Variants in UBIAD1 observed in about 807,000 individuals in gnomAD.
The protein encoded by UBIAD1 is UbiA prenyltransferase domain containing 1, also known as ubiA prenyltransferase domain-containing protein 1.
Under a neutral mutation model 20.1 loss-of-function variants are expected in UBIAD1, and 12 were observed. The observed-to-expected ratio is 0.60, with a 90% CI of 0.38 to 0.97. The LOEUF is 0.97. Among genes scored for constraint, UBIAD1 ranks in the 50% least tolerant of loss-of-function variants. The pLI, the probability that UBIAD1 is intolerant of heterozygous loss-of-function variation, is 0.00. For synonymous variants in UBIAD1, 207 were observed against 189.2 expected, an observed-to-expected ratio of 1.09 and a Z score of -0.77; for missense variants, 333 against 419.5, an observed-to-expected ratio of 0.79 and a Z score of 1.80.
chr1:11,279,562 G>A (rs762854734), intron 1 of UBIAD1, among the ~76,000 whole-genome samples: 2 of 152,062 alleles, frequency 1.3e-5, no homozygotes, highest in African/African-American at 4.8e-5. Context: ...GATTACAGGC[G>A]TCTGCCACCA....
At chr1:11,275,129 C>G (rs951520018) in intron 1 of UBIAD1, among the ~76,000 whole-genome samples, 1 of 152,202 alleles carries the variant, frequency 6.6e-6, no homozygotes, top group African/African-American at 2.4e-5. Flanking sequence ...AGGCACTGTT[C>G]TGTGTGAACA....
At chr1:11,296,778 C>A (rs919201331), downstream of UBIAD1, among the ~76,000 whole-genome samples, 1 of 152,210 alleles carries the variant, frequency 6.6e-6, no homozygotes, top group Admixed American at 6.5e-5. Flanking sequence ...CCTCAGCCTC[C>A]CAAAGTGCTG....
chr1:11,281,230 C>T (rs188405714), intron 1 of UBIAD1, among the ~76,000 whole-genome samples: 2 of 152,168 alleles, frequency 1.3e-5, no homozygotes, highest in African/African-American at 4.8e-5. Flanking sequence ...TGCTTTCTAC[C>T]TTGCTTAAAA....
At chr1:11,280,855 A>C (rs549471211) in intron 1 of UBIAD1, among the ~76,000 whole-genome samples, 1 of 152,202 alleles carries the variant, frequency 6.6e-6, no homozygotes, top group East Asian at 1.9e-4. Flanking sequence ...CAGCCACCAG[A>C]GTAATTCTGT....
At chr1:11,295,018 C>G in exon 2 of UBIAD1, 1 of 709,124 alleles carries the variant, frequency 1.4e-6, no homozygotes, top group Non-Finnish European at 2.6e-6. Context: ...GAGCCCCTTC[C>G]TGCCTCGGGG....
chr1:11,286,080 C>A lies in UBIAD1; in HGVS notation c.966C>A (p.Phe322Leu). 1.2e-6 allele frequency: 2 copies of A among 1,614,228 alleles called. No homozygotes were observed. Among genetic ancestry groups the A allele is most frequent in the Non-Finnish European group, 1.7e-6 (2 of 1,180,042 alleles). ...AGCTCAACCTCCTGCTGGGACTTTT[C>A]TATGTCTTTGGCATCATTCTGGCAC... is the stretch of plus-strand genomic sequence containing the variant. ...TAKLNLLLGL[F>L]YVFGIILAPA... Residue 322 changes from phenylalanine to leucine, a missense_variant, in exon 2 of 2, where the codon TTC becomes TTA. Around this residue, in one of 3 missense-constraint regions of UBIAD1, gnomAD observed 226 missense variants for 263.5 expected, o/e 0.86. Transcript: ENST00000376810.
At chr1:11,293,130 A>T (rs1158537552), downstream of UBIAD1, among the ~76,000 whole-genome samples, 3 of 152,152 alleles carry the variant, frequency 2.0e-5, no homozygotes, top group South Asian at 2.1e-4. Context: ...AGGAACAGTG[A>T]GGGCTTTGAT....
At position 11,284,827 on chromosome 1, in the gene UBIAD1, GA is replaced by G. The variant is rs538734911; in HGVS notation, c.530-816del. ...TTTTAGAGATTAGATTAGGGATGGAGAGGGGGAGGGGTTATGAGAGGGGAAG... is the reference window on the plus strand; with the variant it reads ...TTTTAGAGATTAGATTAGGGATGGAGGGGGGAGGGGTTATGAGAGGGGAAG... On this transcript the variant is annotated intron_variant, in intron 1 of 1. Transcript: ENST00000376810. Among the ~76,000 whole-genome samples the G allele has an allele frequency of 4.7e-4, 72 of 152,200 alleles. 1 individual carries two copies. Among genetic ancestry groups the G allele is most frequent in the African/African-American group, 1.6e-3 (67 of 41,530 alleles).
At chr1:11,277,082 C>T (rs1652060550) in intron 1 of UBIAD1, among the ~76,000 whole-genome samples, 1 of 151,802 alleles carries the variant, frequency 6.6e-6, no homozygotes, top group Non-Finnish European at 1.5e-5. Flanking sequence ...ACTAAAAATA[C>T]AAAAATAAGC....
Position 11,287,367 on chromosome 1 carries a change from A to G in UBIAD1, c.*1236A>G, listed in dbSNP as rs1054973901. 3 of 152,186 alleles carry G rather than the reference A, an allele frequency of 2.0e-5. No homozygotes were observed. The highest frequency in any genetic ancestry group is 7.2e-5 in the African/African-American group (3 of 41,450). The allele number at this position is 152,186 out of a possible 1,614,324, so 9.4% of individuals were successfully genotyped here. On this transcript the variant is annotated 3_prime_UTR_variant, in exon 2 of 2. Coordinates refer to ENST00000376810, the MANE Select transcript of UBIAD1 (RefSeq NM_013319.3). ...ACACTCAGAGTGGGGCAATTCCAGC[A>G]TTTATCCTGGCTGCGTTTCATTGCA...
At chr1:11,274,659 G>A (rs1651938178) in intron 1 of UBIAD1, among the ~76,000 whole-genome samples, 7 of 151,406 alleles carry the variant, frequency 4.6e-5, no homozygotes, top group Admixed American at 4.6e-4. Flanking sequence ...GCCCAGGCAA[G>A]GGTGCAGTGG....
intron 1 of UBIAD1, among the ~76,000 whole-genome samples, chr1:11,282,027 A>G (rs1652257817): frequency 6.6e-6 from 1 of 151,960 alleles, no homozygotes; most frequent in African/African-American, 2.4e-5. Context: ...TTGCTTCCAT[A>G]TTTTGGCTAT....
At position 11,273,336 on chromosome 1, in the gene UBIAD1, G is replaced by A; in HGVS notation, c.-196G>A. ...ACTTCGCCCAGGTGACGGGTAGTAG[G>A]GGCGGCGCCGCTTGGCCTCGTGGGG... is the stretch of plus-strand genomic sequence containing the variant. On this transcript the variant is annotated 5_prime_UTR_variant, in exon 1 of 2. Transcript: ENST00000376810. The surrounding 1 kb of genome is among the most constrained non-coding windows in gnomAD (Gnocchi z 4.9). 1 of 636,620 alleles carries A rather than the reference G, an allele frequency of 1.6e-6. No individual in the cohort carries two copies. Among genetic ancestry groups the A allele is most frequent in the South Asian group, 1.9e-5 (1 of 53,062 alleles). The allele number at this position is 636,620 out of a possible 1,614,324, so 39.4% of individuals were successfully genotyped here. A position where few individuals can be genotyped will look rare whatever the true frequency, so the allele number is the denominator to read the frequency against.
Position 11,273,963 on chromosome 1 carries a change from C to T in UBIAD1, c.432C>T (p.Val144=), listed in dbSNP as rs763991553. 2 of 1,614,222 alleles carry T rather than the reference C, an allele frequency of 1.2e-6. No homozygotes were observed. The highest frequency in any genetic ancestry group is 2.2e-5 in the East Asian group (1 of 44,888). ...FGVFLYTLGC[V]CAACLYYLSP... ...TCTTCCTCTACACGTTGGGCTGCGT[C>T]TGTGCCGCTTGCCTCTACTACCTGT... is the stretch of plus-strand genomic sequence containing the variant. Residue 144 remains valine (V), a synonymous_variant, in exon 1 of 2, where the codon GTC becomes GTT. Coordinates refer to ENST00000376810, the MANE Select transcript of UBIAD1 (RefSeq NM_013319.3). The surrounding 1 kb of genome is among the most constrained non-coding windows in gnomAD (Gnocchi z 4.9).
chr1:11,293,429 G>A (rs1004383742), downstream of UBIAD1: 1 of 152,226 alleles, frequency 6.6e-6, no homozygotes, highest in African/African-American at 2.4e-5. Context: ...CCAGTAAGTG[G>A]TAGGACTAGA....
intron 1 of UBIAD1, among the ~76,000 whole-genome samples, chr1:11,283,142 G>A (rs1029153643): frequency 4.6e-5 from 7 of 152,186 alleles, no homozygotes; most frequent in Non-Finnish European, 1.5e-5. Flanking sequence ...GATTACAGGC[G>A]TGAGCCACCA....
intron 1 of UBIAD1, among the ~76,000 whole-genome samples, chr1:11,280,596 C>G (rs1260195778): frequency 6.6e-6 from 1 of 152,310 alleles, no homozygotes; most frequent in African/African-American, 2.4e-5. Flanking sequence ...AGCTTTTTCC[C>G]CATTTTGCTC....
In UBIAD1 at chr1:11,276,911, A is replaced by G. The variant is rs2788547; in HGVS notation, c.529+2851A>G. Among the ~76,000 whole-genome samples, 387 of 152,198 alleles carry G rather than the reference A, an allele frequency of 2.5e-3. 2 individuals are homozygous for G. The highest frequency in any genetic ancestry group is 8.5e-3 in the African/African-American group (352 of 41,498). The stretch of plus-strand genomic sequence containing the variant: ...CAATCCTGAACATATTTTTCATACT[A>G]CTAGTAGTCAGCACCCACACCACTT... On this transcript the variant is annotated intron_variant, in intron 1 of 1. Coordinates refer to ENST00000376810, the MANE Select transcript of UBIAD1 (RefSeq NM_013319.3).
chr1:11,286,267 T>A lies in UBIAD1; in HGVS notation c.*136T>A. The A allele has an allele frequency of 8.6e-7, 1 of 1,168,982 alleles. No individual in the cohort carries two copies. Among genetic ancestry groups the A allele is most frequent in the Non-Finnish European group, 1.2e-6 (1 of 823,562 alleles). The allele number at this position is 1,168,982 out of a possible 1,614,324, so 72.4% of individuals were successfully genotyped here. ...GAACTCCTGCCTTATAAAAATTGTTTTTGTGTTCTTAAAGATAATATGTTG... is the reference window on the plus strand; with the variant it reads ...GAACTCCTGCCTTATAAAAATTGTTATTGTGTTCTTAAAGATAATATGTTG... On this transcript the variant is annotated 3_prime_UTR_variant, in exon 2 of 2. Transcript: ENST00000376810.
Sources: gnomAD v4.1 joint callset for allele counts (sites outside exome capture counted in the v4.1 genomes callset) on GRCh38, gnomAD v4.1.1 for gene constraint, gnomAD v4.1.1 regional missense constraint, Gnocchi (gnomAD v3.1) non-coding constraint, MANE v1.5 for transcripts, NCBI Gene and HGNC (gene_info 2026-07-23, HGNC 2026-07-21) for gene names.